PIAS1: variants seen among roughly 807,000 people sequenced by gnomAD.
The protein encoded by PIAS1 is protein inhibitor of activated STAT 1.
In PIAS1, 6 loss-of-function variants were observed where a neutral mutation model predicts 71.3. That is an observed-to-expected ratio of 0.08 (90% CI 0.05 to 0.17). The LOEUF is 0.17. Among genes scored for constraint, PIAS1 ranks in the 10% least tolerant of loss-of-function variants. The pLI is 1.00. For synonymous variants in PIAS1, 303 were observed against 292.9 expected, an observed-to-expected ratio of 1.03 and a Z score of -0.35; for missense variants, 555 against 793.6, an observed-to-expected ratio of 0.70 and a Z score of 3.61.
intron 1 of PIAS1, among the ~76,000 whole-genome samples, chr15:68,064,920 T>A (rs1026826851): frequency 6.6e-6 from 1 of 152,190 alleles, no homozygotes; most frequent in East Asian, 1.9e-4. Context: ...AATTAATTAA[T>A]TTGTTTTTTG....
At chr15:68,151,707 C>CACACACAA (rs140053964) in intron 6 of PIAS1, among the ~76,000 whole-genome samples, 10,772 of 134,322 alleles carry the variant, frequency 0.08, 476 homozygotes, top group Non-Finnish European at 0.1. Flanking sequence ...CACACACACA[C>CACACACAA]AAATTAGCTA....
intron 2 of PIAS1, among the ~76,000 whole-genome samples, chr15:68,095,645 C>T (rs1407872776): frequency 6.6e-6 from 1 of 151,774 alleles, no homozygotes; most frequent in Non-Finnish European, 1.5e-5. Context: ...ATTCTCCTGC[C>T]TCAGCCTCCC....
intron 8 of PIAS1, among the ~76,000 whole-genome samples, chr15:68,165,618 A>G (rs1472949064): frequency 6.6e-6 from 1 of 152,210 alleles, no homozygotes; most frequent in Non-Finnish European, 1.5e-5. Context: ...TGAGGTCAGA[A>G]TCAATCATTT....
At chr15:68,098,820 A>G (rs538189577) in intron 2 of PIAS1, among the ~76,000 whole-genome samples, 1 of 152,268 alleles carries the variant, frequency 6.6e-6, no homozygotes, top group African/African-American at 2.4e-5. Flanking sequence ...TGCTGTTGAA[A>G]ACATTGCTGT....
rs1479288886 is a variant in PIAS1, at chr15:68,192,065, G to C, written c.*4230G>C. ...AGACATAGAAAAGCTTTGACGGAAA[G>C]TACCCTCATTTATTATATCCAGAAC... On this transcript the variant is annotated 3_prime_UTR_variant, in exon 14 of 14. Transcript: ENST00000249636. The C allele has an allele frequency of 6.6e-6, 1 of 152,194 alleles. No homozygotes were observed. Among genetic ancestry groups the C allele is most frequent in the African/African-American group, 2.4e-5 (1 of 41,452 alleles). 9.4% of individuals were successfully genotyped at this position (152,194 alleles called of 1,614,324 possible). A position where few individuals can be genotyped will look rare whatever the true frequency, so the allele number is the denominator to read the frequency against.
At chr15:68,094,052 G>A (rs1009386266) in intron 2 of PIAS1, among the ~76,000 whole-genome samples, 1 of 151,814 alleles carries the variant, frequency 6.6e-6, no homozygotes, top group African/African-American at 2.4e-5. Flanking sequence ...TTTTAAGCCT[G>A]GGAAGGTGGC....
intron 7 of PIAS1, among the ~76,000 whole-genome samples, chr15:68,157,147 A>G (rs1175314086): frequency 6.6e-6 from 1 of 152,160 alleles, no homozygotes; most frequent in African/African-American, 2.4e-5. Flanking sequence ...TGTTGAAAAG[A>G]TCAGATTGCA....
At chr15:68,064,987 G>A (rs1051231654) in intron 1 of PIAS1, among the ~76,000 whole-genome samples, 22 of 151,904 alleles carry the variant, frequency 1.4e-4, no homozygotes, top group African/African-American at 4.8e-4. Context: ...TCCAGTGATC[G>A]CCTGCCTCGG....
At chr15:68,169,100 T>TAGAAATACA (rs1316291242) in intron 8 of PIAS1, among the ~76,000 whole-genome samples, 7 of 152,250 alleles carry the variant, frequency 4.6e-5, no homozygotes, top group African/African-American at 1.7e-4. Context: ...ATAAACCTTG[T>TAGAAATACA]GTACTATTAC....
At chr15:68,081,511 G>A (rs939931031) in intron 1 of PIAS1, among the ~76,000 whole-genome samples, 4 of 152,128 alleles carry the variant, frequency 2.6e-5, no homozygotes, top group Non-Finnish European at 4.4e-5. Flanking sequence ...GCAGATACCA[G>A]TGTAGGGAGA....
At chr15:68,088,168 A>G (rs1447749784) in intron 2 of PIAS1, among the ~76,000 whole-genome samples, 46 of 120,006 alleles carry the variant, frequency 3.8e-4, no homozygotes, top group Middle Eastern at 4.3e-3. Flanking sequence ...CTGTCTGATT[A>G]TGTGTGTGTA....
At position 68,151,939 on chromosome 15, in the gene PIAS1, A is replaced by ATTTTTTTTTTT. The variant is rs1201017658; in HGVS notation, c.829-1640_829-1630dup. On this transcript the variant is annotated intron_variant, in intron 6 of 13. Coordinates refer to ENST00000249636, the MANE Select transcript of PIAS1 (RefSeq NM_016166.3). ...ATGTTGTATGCTCTAAAATTTAGGAATTTTTTTTTTTTTTTTTTTTTGGGG... is the reference window on the plus strand; with the variant it reads ...ATGTTGTATGCTCTAAAATTTAGGAATTTTTTTTTTTTTTTTTTTTTTTTTTTTTTTTGGGG... 1.8e-4 allele frequency among the ~76,000 whole-genome samples: 12 copies of ATTTTTTTTTTT among 68,198 alleles called. 1 individual carries two copies. The highest frequency in any genetic ancestry group is 1.4e-3 in the Admixed American group (5 of 3,670). 44.7% of individuals were successfully genotyped at this position (68,198 alleles called of 152,430 possible).
chr15:68,106,937 A>G (rs929603104), intron 2 of PIAS1, among the ~76,000 whole-genome samples: 1 of 152,200 alleles, frequency 6.6e-6, no homozygotes, highest in African/African-American at 2.4e-5. Context: ...GGGGCCACAT[A>G]GTTTGAAAAT....
chr15:68,128,307 C>T (rs2092666332), intron 2 of PIAS1, among the ~76,000 whole-genome samples: 1 of 152,178 alleles, frequency 6.6e-6, no homozygotes, highest in African/African-American at 2.4e-5. Context: ...ACTTGGGTTA[C>T]TGGCGTGTGC....
intron 2 of PIAS1, among the ~76,000 whole-genome samples, chr15:68,137,620 A>G (rs1243440561): frequency 6.6e-6 from 1 of 152,122 alleles, no homozygotes; most frequent in Non-Finnish European, 1.5e-5. Flanking sequence ...AGATGTACAG[A>G]TTGAGTTCCA....
At chr15:68,110,462 G>A (rs1383352295) in intron 2 of PIAS1, among the ~76,000 whole-genome samples, 1 of 152,078 alleles carries the variant, frequency 6.6e-6, no homozygotes, top group Non-Finnish European at 1.5e-5. Flanking sequence ...CCGGTGTGGT[G>A]GCGGGTGCCT....
intron 2 of PIAS1, among the ~76,000 whole-genome samples, chr15:68,088,703 A>G (rs964418287): frequency 6.6e-6 from 1 of 152,168 alleles, no homozygotes; most frequent in South Asian, 2.1e-4. Flanking sequence ...AAAAATATTT[A>G]TTGAAAAAAG....
chr15:68,109,244 G>T (rs8031079), intron 2 of PIAS1, among the ~76,000 whole-genome samples: 76,815 of 151,954 alleles, frequency 0.51, 20,025 homozygotes, highest in Non-Finnish European at 0.57. Flanking sequence ...GTATTAATAT[G>T]TCTGATGAGA....
chr15:68,102,525 A>G (rs2092436093), intron 2 of PIAS1, among the ~76,000 whole-genome samples: 1 of 152,186 alleles, frequency 6.6e-6, no homozygotes, highest in South Asian at 2.1e-4. Context: ...CCTGCATATC[A>G]ATTTAGGGAT....
Sources: allele counts gnomAD v4.1 joint callset (sites outside exome capture counted in the v4.1 genomes callset), GRCh38; gene constraint gnomAD v4.1.1; transcripts MANE v1.5; gene names NCBI Gene and HGNC (gene_info 2026-07-23, HGNC 2026-07-21).